Variants in PRMT8 observed in about 807,000 individuals in gnomAD.
PRMT8 encodes the protein protein arginine N-methyltransferase 8.
Under a neutral mutation model 47.1 loss-of-function variants are expected in PRMT8, and 7 were observed. That is an observed-to-expected ratio of 0.15 (90% CI 0.08 to 0.28). The LOEUF is 0.28. Among genes scored for constraint, PRMT8 ranks in the 10% least tolerant of loss-of-function variants. The probability of loss-of-function intolerance (pLI) is 1.00; values close to 1 mark genes in which losing one functional copy is unlikely to be tolerated. For missense variants in PRMT8, 237 were observed against 505.4 expected (o/e 0.47, Z 5.09); for synonymous variants, 188 against 186.5 (o/e 1.01, Z -0.07).
At chr12:3,402,194 T>C (rs929913509) in intron 1 of PRMT8, among the ~76,000 whole-genome samples, 4 of 152,206 alleles carry the variant, frequency 2.6e-5, no homozygotes, top group Non-Finnish European at 5.9e-5. Flanking sequence ...AACTATTTGA[T>C]CTTTTACAAA....
At chr12:3,497,111 C>T (rs544232867) in intron 1 of PRMT8, among the ~76,000 whole-genome samples, 1 of 152,206 alleles carries the variant, frequency 6.6e-6, no homozygotes, top group African/African-American at 2.4e-5. Flanking sequence ...TAAAAACAGT[C>T]CTTACACCTT....
At chr12:3,419,970 A>AGGGAGAGG (rs1170046734) in intron 1 of PRMT8, among the ~76,000 whole-genome samples, 21 of 83,610 alleles carry the variant, frequency 2.5e-4, no homozygotes, top group East Asian at 1.2e-3. Flanking sequence ...GGGGAGAAAG[A>AGGGAGAGG]GGGAGAGGGG....
At chr12:3,527,739 C>T (rs1008841992) in intron 1 of PRMT8, among the ~76,000 whole-genome samples, 3 of 152,124 alleles carry the variant, frequency 2.0e-5, no homozygotes, top group Admixed American at 6.5e-5. Flanking sequence ...TTTATATTTA[C>T]ACATAGAGTT....
intron 1 of PRMT8, among the ~76,000 whole-genome samples, chr12:3,391,256 A>G (rs1234592255): frequency 1.3e-5 from 2 of 152,354 alleles, no homozygotes; most frequent in South Asian, 2.1e-4. Flanking sequence ...GGGGAAAACC[A>G]TGAGCAATAA....
chr12:3,389,234 T>G (rs1864169474), intron 1 of PRMT8, among the ~76,000 whole-genome samples: 1 of 152,112 alleles, frequency 6.6e-6, no homozygotes, highest in African/African-American at 2.4e-5. Flanking sequence ...CCAACTCCCT[T>G]CCTTTGTAGA....
chr12:3,587,024 T>G (rs562807417), intron 8 of PRMT8, among the ~76,000 whole-genome samples: 32 of 152,326 alleles, frequency 2.1e-4, no homozygotes, highest in African/African-American at 7.5e-4. Context: ...TGGGGTATAC[T>G]CAGACCATCT....
chr12:3,462,906 G>A (rs544463889), intron 1 of PRMT8: 15 of 152,112 alleles, frequency 9.9e-5, no homozygotes, highest in South Asian at 8.3e-4. Context: ...AACTGCAGGC[G>A]GATGGAAAAG....
chr12:3,393,695 G>A (rs1266773389), intron 1 of PRMT8, among the ~76,000 whole-genome samples: 4 of 140,854 alleles, frequency 2.8e-5, no homozygotes, highest in Non-Finnish European at 4.6e-5. Context: ...TTGGCGATGC[G>A]GGCTCTTTTT....
At chr12:3,452,773 G>A (rs4765734) in intron 1 of PRMT8, among the ~76,000 whole-genome samples, 12,769 of 152,280 alleles carry the variant, frequency 0.084, 740 homozygotes, top group Admixed American at 0.14. Flanking sequence ...CCTGGACTGG[G>A]GAACGTTCAA....
chr12:3,543,518 C>T (rs374500041), intron 2 of PRMT8, among the ~76,000 whole-genome samples: 6 of 152,172 alleles, frequency 3.9e-5, no homozygotes, highest in African/African-American at 7.2e-5. Flanking sequence ...GACCCTCACA[C>T]GGTGGGGAGC....
rs561611357 is a variant in PRMT8 at position 3,582,675 on chromosome 12, G to A, written c.829-383G>A. Among the ~76,000 whole-genome samples the A allele has an allele frequency of 1.3e-4, 20 of 152,274 alleles. No homozygotes were observed. The South Asian group carries it at 3.9e-3, about 30-fold the overall frequency. On this transcript the variant is annotated intron_variant, in intron 7 of 9. Coordinates refer to ENST00000382622, the MANE Select transcript of PRMT8 (RefSeq NM_019854.5). The stretch of plus-strand genomic sequence containing the variant: ...ATTTCAGGGACCACATTTTAAGAGC[G>A]ATGGATGGAGCAGTGCCTGGGTGGA...
intron 1 of PRMT8, among the ~76,000 whole-genome samples, chr12:3,451,091 C>T (rs1312221474): frequency 2.2e-5 from 3 of 133,734 alleles, no homozygotes; most frequent in Non-Finnish European, 4.6e-5. Flanking sequence ...ATGCCTAGAA[C>T]ACATTGCTGG....
chr12:3,571,536 G>A (rs912109540), intron 6 of PRMT8, among the ~76,000 whole-genome samples: 3 of 152,146 alleles, frequency 2.0e-5, no homozygotes, highest in African/African-American at 7.2e-5. Flanking sequence ...CCTGGGGCAG[G>A]GAGGGGCTCC....
intron 1 of PRMT8, among the ~76,000 whole-genome samples, chr12:3,472,008 G>C (rs549698710): frequency 1.3e-5 from 2 of 152,252 alleles, no homozygotes; most frequent in Admixed American, 6.5e-5. Context: ...CAGAAGTCAT[G>C]ATGCTCTCGG....
chr12:3,441,952 C>T (rs1864807940), intron 1 of PRMT8, among the ~76,000 whole-genome samples: 2 of 152,164 alleles, frequency 1.3e-5, no homozygotes, highest in African/African-American at 2.4e-5. Flanking sequence ...AATCACAAAC[C>T]TCCCGTCAAT....
chr12:3,536,310 T>C (rs1459020635), intron 1 of PRMT8, among the ~76,000 whole-genome samples: 1 of 152,138 alleles, frequency 6.6e-6, no homozygotes, highest in Non-Finnish European at 1.5e-5. Flanking sequence ...CAGACCAGGG[T>C]CTGGGCCAGT....
At chr12:3,529,022 C>T (rs185122364) in intron 1 of PRMT8, among the ~76,000 whole-genome samples, 1 of 152,168 alleles carries the variant, frequency 6.6e-6, no homozygotes, top group Non-Finnish European at 1.5e-5. Context: ...AGTTCTTTTC[C>T]GAGGCTGTGG....
rs1050039349 is a variant in PRMT8, at chr12:3,568,743, G to A, written c.519G>A (p.Glu173=). 1 of 1,614,168 alleles carries A rather than the reference G, an allele frequency of 6.2e-7. No homozygotes were observed. Among genetic ancestry groups the A allele is most frequent in the East Asian group, 2.2e-5 (1 of 44,866 alleles). Residue 173 remains glutamate (E), a synonymous_variant, in exon 5 of 10, where the codon GAG becomes GAA. Transcript: ENST00000382622. ...TTAAGGGTAAAGTGGAAGAGGTGGA[G>A]CTGCCTGTGGAGAAGGTGGACATCA... ...TIFKGKVEEV[E]LPVEKVDIII... is the part of the protein sequence containing the mutation.
intron 4 of PRMT8, among the ~76,000 whole-genome samples, chr12:3,559,528 A>G (rs1268580670): frequency 5.9e-5 from 9 of 152,204 alleles, no homozygotes; most frequent in Non-Finnish European, 1.3e-4. Context: ...AGCTCACATG[A>G]TACTTCAGTG....
Sources: allele counts gnomAD v4.1 joint callset (sites outside exome capture counted in the v4.1 genomes callset), GRCh38; gene constraint gnomAD v4.1.1; transcripts MANE v1.5; gene names NCBI Gene and HGNC (gene_info 2026-07-23, HGNC 2026-07-21).